Variants in KLHL29 observed in about 807,000 individuals in gnomAD.
KLHL29 encodes the protein kelch-like protein 29.
In KLHL29, 21 loss-of-function variants were observed where a neutral mutation model predicts 80.4. The observed-to-expected ratio is 0.26, with a 90% CI of 0.19 to 0.38. KLHL29 has a LOEUF of 0.38. Among genes scored for constraint, KLHL29 ranks in the 10% least tolerant of loss-of-function variants. The pLI, the probability that KLHL29 is intolerant of heterozygous loss-of-function variation, is 1.00. For missense variants in KLHL29, 867 were observed against 1,223.9 expected (o/e 0.71, Z 4.35); for synonymous variants, 511 against 526.8 (o/e 0.97, Z 0.41).
Position 23,707,867 on chromosome 2 carries a change from T to C in KLHL29, c.*1203T>C, listed in dbSNP as rs2149236184. The C allele has an allele frequency of 6.6e-6, 1 of 152,404 alleles. No individual in the cohort carries two copies. Among genetic ancestry groups the C allele is most frequent in the Admixed American group, 6.5e-5 (1 of 15,304 alleles). 9.4% of individuals were successfully genotyped at this position (152,404 alleles called of 1,614,324 possible). ...GAACAGAACCACTCTTCTTGTCACA[T>C]ACGAACCTGAGAAAAGGGAAGCCAG... On this transcript the variant is annotated 3_prime_UTR_variant, in exon 14 of 14. Coordinates refer to ENST00000486442, the MANE Select transcript of KLHL29 (RefSeq NM_052920.2).
chr2:23,663,204 C>T (rs1670463349), intron 5 of KLHL29, among the ~76,000 whole-genome samples: 1 of 152,256 alleles, frequency 6.6e-6, no homozygotes, highest in Non-Finnish European at 1.5e-5. Flanking sequence ...TAGATGGTTG[C>T]AGGCACGAGG....
intron 3 of KLHL29, among the ~76,000 whole-genome samples, chr2:23,610,190 G>A (rs1193019708): frequency 1.3e-5 from 2 of 152,156 alleles, no homozygotes; most frequent in Admixed American, 6.5e-5. Context: ...TCTTGGGGTG[G>A]GATGGGGCGA....
At position 23,560,512 on chromosome 2, in the gene KLHL29, G is replaced by T. The variant is rs2018457; in HGVS notation, c.-45-1640G>T. On this transcript the variant is annotated intron_variant, in intron 2 of 13. Transcript: ENST00000486442. ...TCTGGATCTCTTGCCCTTGTGATCC[G>T]CCTGCCTTGGCCTCCCAAAGTGCTA... 4.0e-4 allele frequency among the ~76,000 whole-genome samples: 61 copies of T among 152,096 alleles called. No homozygotes were observed. In the South Asian group the frequency reaches 0.012, roughly 30 times the overall value.
Position 23,452,840 on chromosome 2 carries a change from C to T in KLHL29, c.-153-22720C>T, listed in dbSNP as rs185383637. Reference sequence around the variant, plus strand: ...GCTTTTGGAACGTTCTTCTTTCTGTCTTCAGGTGCTAGAACTTTAGGAGAG... The same window carrying T: ...GCTTTTGGAACGTTCTTCTTTCTGTTTTCAGGTGCTAGAACTTTAGGAGAG... On this transcript the variant is annotated intron_variant, in intron 1 of 13. Transcript: ENST00000486442. 3.6e-4 allele frequency among the ~76,000 whole-genome samples: 55 copies of T among 152,252 alleles called. 1 individual carries two copies. Among genetic ancestry groups the T allele is most frequent in the Admixed American group, 3.0e-3 (46 of 15,294 alleles).
intron 2 of KLHL29, among the ~76,000 whole-genome samples, chr2:23,540,183 C>G (rs1267045629): frequency 4.6e-5 from 7 of 152,226 alleles, no homozygotes; most frequent in Non-Finnish European, 1.5e-5. Context: ...CCCCCTGGTA[C>G]CTGCCCAGCC....
At chr2:23,475,440 T>C (rs1192027809) in intron 1 of KLHL29, 120 bp from the exon 2 acceptor site, 1 of 123,844 alleles carries the variant, frequency 8.1e-6, no homozygotes, top group Admixed American at 9.4e-5. Context: ...CCAGTTAGTG[T>C]GGGGACCACC....
At chr2:23,514,726 C>T (rs562487316) in intron 2 of KLHL29, among the ~76,000 whole-genome samples, 23 of 152,302 alleles carry the variant, frequency 1.5e-4, no homozygotes, top group African/African-American at 5.3e-4. Context: ...GTGTGGTGAT[C>T]TGTCATTCTC....
intron 2 of KLHL29, among the ~76,000 whole-genome samples, chr2:23,499,928 T>C (rs1665388986): frequency 6.6e-6 from 1 of 152,350 alleles, no homozygotes; most frequent in South Asian, 2.1e-4. Flanking sequence ...TTGGCTTTTT[T>C]TAGGATAGAA....
intron 2 of KLHL29, among the ~76,000 whole-genome samples, chr2:23,542,116 G>A (rs1459772345): frequency 6.6e-6 from 1 of 152,152 alleles, no homozygotes; most frequent in East Asian, 1.9e-4. Context: ...TGGTGGCAGT[G>A]TTTTGTTTTC....
chr2:23,407,625 C>A (rs1421788415), intron 1 of KLHL29, among the ~76,000 whole-genome samples: 2 of 151,956 alleles, frequency 1.3e-5, no homozygotes, highest in Non-Finnish European at 2.9e-5. Flanking sequence ...GAATCATCAA[C>A]GTTTTTGTTG....
chr2:23,432,040 C>A (rs538025818), intron 1 of KLHL29, among the ~76,000 whole-genome samples: 1 of 152,020 alleles, frequency 6.6e-6, no homozygotes, highest in South Asian at 2.1e-4. Context: ...AAACTATGGA[C>A]GTCAATTCCA....
At position 23,596,705 on chromosome 2, in the gene KLHL29, G is replaced by A. The variant is rs969608380; in HGVS notation, c.285+34224G>A. Reference sequence around the variant, plus strand: ...TGCAAGCATCTCCCTCTAAATGAGGGCGATAGGAAGACTCCGATGCTGGGG... The same window carrying A: ...TGCAAGCATCTCCCTCTAAATGAGGACGATAGGAAGACTCCGATGCTGGGG... On this transcript the variant is annotated intron_variant, in intron 3 of 13. Transcript: ENST00000486442. The surrounding 1 kb of genome is among the most constrained non-coding windows in gnomAD (Gnocchi z 4.4). Among the ~76,000 whole-genome samples, 2 of 152,156 alleles carry A rather than the reference G, an allele frequency of 1.3e-5. No individual in the cohort carries two copies. Among genetic ancestry groups the A allele is most frequent in the Non-Finnish European group, 2.9e-5 (2 of 68,032 alleles).
chr2:23,565,978 G>A (rs982250421), intron 3 of KLHL29, among the ~76,000 whole-genome samples: 6 of 152,258 alleles, frequency 3.9e-5, no homozygotes, highest in Non-Finnish European at 7.3e-5. Flanking sequence ...AGCCCTGTGG[G>A]CCTGGTCACC....
chr2:23,567,482 C>T (rs546450343), intron 3 of KLHL29, among the ~76,000 whole-genome samples: 5 of 152,274 alleles, frequency 3.3e-5, no homozygotes, highest in Admixed American at 6.5e-5. Context: ...TCAAAACACC[C>T]GGGTTTTGAC....
intron 3 of KLHL29, among the ~76,000 whole-genome samples, chr2:23,604,036 G>A (rs1033366500): frequency 2.0e-5 from 3 of 152,242 alleles, no homozygotes; most frequent in Admixed American, 2.0e-4. Flanking sequence ...GGTCTTCAGT[G>A]CTCAGGGTCT....
rs187615281 is a variant in KLHL29 at position 23,679,283 on chromosome 2, T to C, written c.941-5116T>C. ...AGCAGTTTGGACTACACTCAGCCAA[T>C]CTAGGTCAGGCCTGGCTGATATTGG... is the stretch of plus-strand genomic sequence containing the variant. On this transcript the variant is annotated intron_variant, in intron 5 of 13. Coordinates refer to ENST00000486442, the MANE Select transcript of KLHL29 (RefSeq NM_052920.2). Among the ~76,000 whole-genome samples the C allele has an allele frequency of 2.1e-3, 326 of 152,356 alleles. 1 individual carries two copies. The highest frequency in any genetic ancestry group is 7.6e-3 in the African/African-American group (315 of 41,578).
rs564423964 is a variant in KLHL29 at position 23,633,478 on chromosome 2, TC to T, written c.286-5658del. 2.2e-4 allele frequency among the ~76,000 whole-genome samples: 34 copies of T among 152,130 alleles called. 1 individual carries two copies. The South Asian group carries it at 5.0e-3, about 22-fold the overall frequency. Reference sequence around the variant, plus strand: ...GGTAAGATACACAGTAGTCTGTGTATCCCTTTTTTTTTTACTTTTTTCTTTT... The same window carrying T: ...GGTAAGATACACAGTAGTCTGTGTATCCTTTTTTTTTTACTTTTTTCTTTT... On this transcript the variant is annotated intron_variant, in intron 3 of 13. Transcript: ENST00000486442.
chr2:23,702,043 G>A (rs939181009), intron 11 of KLHL29, among the ~76,000 whole-genome samples: 3 of 150,542 alleles, frequency 2.0e-5, no homozygotes, highest in Non-Finnish European at 2.9e-5. Flanking sequence ...GCCTGGTCTC[G>A]AACTCCCGAC....
chr2:23,659,040 C>T (rs550514979), intron 5 of KLHL29, among the ~76,000 whole-genome samples: 2 of 152,326 alleles, frequency 1.3e-5, no homozygotes, highest in South Asian at 4.1e-4. Context: ...TCTGTCTCCC[C>T]CACTCAACTG....
Sources: allele counts gnomAD v4.1 joint callset (sites outside exome capture counted in the v4.1 genomes callset), GRCh38; gene constraint gnomAD v4.1.1; non-coding constraint Gnocchi (gnomAD v3.1); transcripts MANE v1.5; gene names NCBI Gene and HGNC (gene_info 2026-07-23, HGNC 2026-07-21).